ZNF33A: variants seen among roughly 807,000 people sequenced by gnomAD.
The protein encoded by ZNF33A is zinc finger protein 33A, also known as brain my041 protein.
ZNF33A carries 9 observed loss-of-function variants against 15.9 expected under a neutral mutation model. The ratio of observed to expected loss-of-function variants is 0.57; its 90% CI spans 0.34 to 0.99. The LOEUF (loss-of-function observed/expected upper bound fraction) is 0.99, where lower values mean the gene tolerates loss of function less well. ZNF33A is among the 50% of genes least tolerant of loss of function. The probability of loss-of-function intolerance (pLI) is 0.02; values close to 1 mark genes in which losing one functional copy is unlikely to be tolerated. For synonymous variants in ZNF33A, 294 were observed against 324.2 expected (o/e 0.91, Z 1.00); for missense variants, 843 against 941.6 (o/e 0.90, Z 1.37).
At chr10:38,037,931 T>A (rs150071906) in intron 4 of ZNF33A, among the ~76,000 whole-genome samples, 27 of 152,308 alleles carry the variant, frequency 1.8e-4, no homozygotes, top group African/African-American at 5.3e-4. Context: ...TTGGTAGGGA[T>A]TGTGTTGAGT....
intron 4 of ZNF33A, 129 bp downstream of exon 4, chr10:38,017,515 A>G: frequency 1.6e-6 from 1 of 617,260 alleles, no homozygotes; most frequent in Non-Finnish European, 2.8e-6. Flanking sequence ...TCTGGAAGTG[A>G]TGGAGAATAT....
intron 4 of ZNF33A, among the ~76,000 whole-genome samples, chr10:38,045,273 C>T (rs948338000): frequency 7.2e-5 from 11 of 152,142 alleles, no homozygotes; most frequent in Non-Finnish European, 1.0e-4. Flanking sequence ...TCAGAGGGCT[C>T]CTCCTTGGAA....
chr10:38,052,064 G>A (rs2135747162), intron 4 of ZNF33A, among the ~76,000 whole-genome samples: 2 of 152,094 alleles, frequency 1.3e-5, no homozygotes, highest in African/African-American at 4.8e-5. Flanking sequence ...TCCAATATCA[G>A]GAACATGACA....
intron 3 of ZNF33A, 127 bp from the exon 4 acceptor site, chr10:38,017,164 T>A: frequency 7.3e-7 from 1 of 1,373,546 alleles, no homozygotes; most frequent in South Asian, 1.4e-5. Context: ...CAGAAGATAC[T>A]TGTGTTCACC....
Position 38,016,836 on chromosome 10 carries a change from TC to T in ZNF33A, c.10-34del, listed in dbSNP as rs564928740. ...ATCATGGTAAGGATTAGCCCATACTTCTTTTTTCATGCCACCTAATTCTGAA... is the reference window on the plus strand; with the variant it reads ...ATCATGGTAAGGATTAGCCCATACTTTTTTTTCATGCCACCTAATTCTGAA... On this transcript the variant is annotated intron_variant, in intron 2 of 4. Coordinates refer to ENST00000432900, the MANE Select transcript of ZNF33A (RefSeq NM_006954.2). The T allele has an allele frequency of 2.4e-4, 387 of 1,609,826 alleles. 2 individuals carry two copies. In the African/African-American group the frequency reaches 4.6e-3, roughly 19 times the overall value.
intron 4 of ZNF33A, among the ~76,000 whole-genome samples, chr10:38,033,294 G>A (rs906307651): frequency 1.3e-5 from 2 of 151,988 alleles, no homozygotes; most frequent in Non-Finnish European, 2.9e-5. Context: ...TATTTCACTT[G>A]TTTTTTATGG....
chr10:38,056,767 T>G lies in ZNF33A; in HGVS notation c.*207T>G. The G allele has an allele frequency of 8.2e-7, 1 of 1,225,622 alleles. No homozygotes were observed. The highest frequency in any genetic ancestry group is 1.0e-6 in the Non-Finnish European group (1 of 983,412). The allele number at this position is 1,225,622 out of a possible 1,614,324, so 75.9% of individuals were successfully genotyped here. On this transcript the variant is annotated 3_prime_UTR_variant, in exon 5 of 5. Transcript: ENST00000432900. The stretch of plus-strand genomic sequence containing the variant: ...AATAAGGTTATGTTAGAATTTACAC[T>G]GAGGAGAAAATTGTCAATTTAAGAA...
At chr10:38,040,042 G>C (rs1373684258) in intron 4 of ZNF33A, among the ~76,000 whole-genome samples, 2 of 151,582 alleles carry the variant, frequency 1.3e-5, no homozygotes, top group African/African-American at 4.8e-5. Flanking sequence ...TGTTCCATAA[G>C]TTTGAGTATG....
Position 38,056,067 on chromosome 10 carries a change from A to T in ZNF33A, c.1943A>T (p.His648Leu), listed in dbSNP as rs377700471. 6.2e-7 allele frequency: 1 copy of T among 1,614,172 alleles called. No homozygotes were observed. Among genetic ancestry groups the T allele is most frequent in the East Asian group, 2.2e-5 (1 of 44,872 alleles). Residue 648 changes from histidine to leucine, a missense_variant, in exon 5 of 5, where the codon CAT becomes CTT. Coordinates refer to ENST00000432900, the MANE Select transcript of ZNF33A (RefSeq NM_006954.2). ...KCNECGKAFC[H>L]KSALIVHQRT... ...AATGAGTGTGGAAAAGCTTTCTGCC[A>T]TAAGTCAGCTCTAATTGTACATCAG...
chr10:38,011,007 G>C (rs1215249436), intron 1 of ZNF33A, among the ~76,000 whole-genome samples: 1 of 152,164 alleles, frequency 6.6e-6, no homozygotes, highest in Non-Finnish European at 1.5e-5. Flanking sequence ...CCCCATTTGT[G>C]GGGGCCGCGG....
Position 38,056,948 on chromosome 10 carries a change from A to G in ZNF33A, c.*388A>G. The G allele has an allele frequency of 4.3e-6, 4 of 925,240 alleles. No individual in the cohort carries two copies. The highest frequency in any genetic ancestry group is 5.2e-6 in the Non-Finnish European group (4 of 773,206). The allele number at this position is 925,240 out of a possible 1,614,324, so 57.3% of individuals were successfully genotyped here. A position where few individuals can be genotyped will look rare whatever the true frequency, so the allele number is the denominator to read the frequency against. On this transcript the variant is annotated 3_prime_UTR_variant, in exon 5 of 5. Coordinates refer to ENST00000432900, the MANE Select transcript of ZNF33A (RefSeq NM_006954.2). ...TTAAACAAAGGTAATAATTAAAATAACCTCACAAGAAGTTTAATGAGTAGA... is the reference window on the plus strand; with the variant it reads ...TTAAACAAAGGTAATAATTAAAATAGCCTCACAAGAAGTTTAATGAGTAGA...
At chr10:38,048,484 T>C (rs1157291855) in intron 4 of ZNF33A, among the ~76,000 whole-genome samples, 1 of 151,138 alleles carries the variant, frequency 6.6e-6, no homozygotes, top group Non-Finnish European at 1.5e-5. Context: ...AAACACCCCA[T>C]TTAAAGACAG....
Position 38,012,349 on chromosome 10 carries a change from A to G in ZNF33A, c.8A>G (p.Lys3Arg). The change falls in exon 2 of 5, where the codon AAG becomes AGG. Residue 3 changes from lysine to arginine, a missense_variant and splice_region_variant. Physicochemically the swap from Lys to Arg is conservative, Grantham distance 26. Coordinates refer to ENST00000432900, the MANE Select transcript of ZNF33A (RefSeq NM_006954.2). MN[K>R]VEQKSQESVS... ...TTCCAAGAACAGAACAAAATGAACA[A>G]GGTAAGTTGTTTATTAATTCCCTAC... The G allele has an allele frequency of 1.2e-6, 2 of 1,613,532 alleles. No individual in the cohort carries two copies. Among genetic ancestry groups the G allele is most frequent in the Non-Finnish European group, 1.7e-6 (2 of 1,179,766 alleles).
At position 38,057,068 on chromosome 10, in the gene ZNF33A, G is replaced by A; in HGVS notation, c.*508G>A. ...CCAAGAAATCGATGTTACCTTGCTGGTAGATAGAGACTTAGTCAGATTTTA... is the reference window on the plus strand; with the variant it reads ...CCAAGAAATCGATGTTACCTTGCTGATAGATAGAGACTTAGTCAGATTTTA... On this transcript the variant is annotated 3_prime_UTR_variant, in exon 5 of 5. Coordinates refer to ENST00000432900, the MANE Select transcript of ZNF33A (RefSeq NM_006954.2). The A allele has an allele frequency of 1.5e-6, 1 of 652,472 alleles. No individual in the cohort carries two copies. Among genetic ancestry groups the A allele is most frequent in the Non-Finnish European group, 1.9e-6 (1 of 525,024 alleles). 40.4% of individuals were successfully genotyped at this position (652,472 alleles called of 1,614,324 possible). A position where few individuals can be genotyped will look rare whatever the true frequency, so the allele number is the denominator to read the frequency against.
At chr10:38,041,548 A>G (rs2065702559) in intron 4 of ZNF33A, among the ~76,000 whole-genome samples, 1 of 151,830 alleles carries the variant, frequency 6.6e-6, no homozygotes, top group African/African-American at 2.4e-5. Context: ...TATATTACAT[A>G]TATATTTAAA....
At chr10:38,031,914 G>C (rs1297052192) in intron 4 of ZNF33A, among the ~76,000 whole-genome samples, 1 of 152,162 alleles carries the variant, frequency 6.6e-6, no homozygotes, top group African/African-American at 2.4e-5. Context: ...ACTGAGCTGA[G>C]ATGGCGCCAC....
downstream of ZNF33A, chr10:38,064,018 G>A: frequency 6.9e-7 from 1 of 1,443,482 alleles, no homozygotes; most frequent in Admixed American, 1.7e-5. Flanking sequence ...AGGGCTTTCA[G>A]GCCATCTTCA....
Position 38,017,315 on chromosome 10 carries a change from T to C in ZNF33A, c.179T>C (p.Val60Ala). ...SVGYCVHKPE[V>A]IFRLQQGEEP... is the part of the protein sequence containing the mutation. ...GGGTATTGTGTTCACAAACCAGAGG[T>C]GATCTTCAGGCTGCAACAAGGAGAA... Residue 60 changes from valine (V) to alanine (A), a missense_variant, in exon 4 of 5, where the codon GTG becomes GCG. Coordinates refer to ENST00000432900, the MANE Select transcript of ZNF33A (RefSeq NM_006954.2). 6.2e-7 allele frequency: 1 copy of C among 1,613,942 alleles called. No homozygotes were observed. Among genetic ancestry groups the C allele is most frequent in the Non-Finnish European group, 8.5e-7 (1 of 1,179,922 alleles).
At position 38,017,015 on chromosome 10, in the gene ZNF33A, G is replaced by T; in HGVS notation, c.154G>T (p.Gly52Trp). Residue 52 changes from glycine (G) to tryptophan (W), a missense_variant and splice_region_variant, in exon 3 of 5, where the codon GGG becomes TGG. Coordinates refer to ENST00000432900, the MANE Select transcript of ZNF33A (RefSeq NM_006954.2). The part of the protein sequence containing the change: ...LENYSNLVSV[G>W]YCVHKPEVIF... ...GAACTACAGCAACCTTGTCTCAGTG[G>T]GTAAGGTCTGTTCACTGTATCATTC... 6.2e-7 allele frequency: 1 copy of T among 1,603,788 alleles called. No homozygotes were observed. The highest frequency in any genetic ancestry group is 1.3e-5 in the African/African-American group (1 of 74,444).
Sources: gnomAD v4.1 joint callset for allele counts (sites outside exome capture counted in the v4.1 genomes callset) on GRCh38, gnomAD v4.1.1 for gene constraint, MANE v1.5 for transcripts, NCBI Gene and HGNC (gene_info 2026-07-23, HGNC 2026-07-21) for gene names.